HOMER2: variants seen among roughly 807,000 people sequenced by gnomAD.
The protein encoded by HOMER2 is homer scaffold protein 2, also known as homer protein homolog 2.
A neutral mutation model predicts 47.0 loss-of-function variants in HOMER2; 27 were observed. That is an observed-to-expected ratio of 0.57 (90% CI 0.42 to 0.79). The LOEUF is 0.79. Ranked by LOEUF, HOMER2 falls within the 30% of genes least tolerant of loss-of-function variation. The probability of loss-of-function intolerance (pLI) is 0.00; values close to 1 mark genes in which losing one functional copy is unlikely to be tolerated. For synonymous variants in HOMER2, 161 were observed against 163.8 expected (o/e 0.98, Z 0.13); for missense variants, 443 against 435.0 (o/e 1.02, Z -0.16).
rs1291951820 is a variant in HOMER2, at chr15:82,856,212, C to A, written c.495-1412G>T. 2.0e-5 allele frequency among the ~76,000 whole-genome samples: 3 copies of A among 152,170 alleles called. No homozygotes were observed. In the East Asian group the frequency reaches 5.8e-4, roughly 29 times the overall value. ...GCTAATTTAGGGAAATAGCTTCCTG[C>A]CCATTCTTGTAGTACCTCACTTGCT... On this transcript the variant is annotated intron_variant, in intron 5 of 8. Coordinates refer to ENST00000450735, the MANE Select transcript of HOMER2 (RefSeq NM_004839.4).
At chr15:82,903,283 C>A (rs561433597) in intron 1 of HOMER2, among the ~76,000 whole-genome samples, 5 of 152,094 alleles carry the variant, frequency 3.3e-5, no homozygotes, top group Non-Finnish European at 7.4e-5. Flanking sequence ...GTTTCCAGTT[C>A]AGCACGTGAA....
rs150035268 is a variant in HOMER2 at position 82,932,213 on chromosome 15, G to A, written c.5+20318C>T. 4.9e-3 allele frequency among the ~76,000 whole-genome samples: 753 copies of A among 152,308 alleles called. 3 individuals are homozygous for A. Among genetic ancestry groups the A allele is most frequent in the Non-Finnish European group, 7.9e-3 (537 of 68,026 alleles). The stretch of plus-strand genomic sequence containing the variant: ...TTCCCGAGTAAGATGTAGGGAAGAG[G>A]GCCGGGCGTGGTGGCTCACGCCTGT... On this transcript the variant is annotated intron_variant, in intron 1 of 8. Coordinates refer to ENST00000450735, the MANE Select transcript of HOMER2 (RefSeq NM_004839.4).
At chr15:82,955,106 C>T (rs2054575368), upstream of HOMER2, among the ~76,000 whole-genome samples, 1 of 151,418 alleles carries the variant, frequency 6.6e-6, no homozygotes, top group African/African-American at 2.4e-5. Flanking sequence ...AGCAGTACTG[C>T]TCATAACCTA....
At chr15:82,914,283 C>A (rs370905095) in intron 1 of HOMER2, among the ~76,000 whole-genome samples, 3 of 148,360 alleles carry the variant, frequency 2.0e-5, no homozygotes, top group African/African-American at 7.5e-5. Context: ...GAGGCTGAGG[C>A]AGGAGAACAG....
intron 6 of HOMER2, 132 bp downstream of exon 6, chr15:82,854,512 G>A (rs1403104471): frequency 1.1e-5 from 9 of 839,796 alleles, no homozygotes; most frequent in Non-Finnish European, 1.4e-5. Flanking sequence ...TCCCATGGGA[G>A]AGGCAGCAAG....
At chr15:82,962,298 G>A (rs1411039349) in intron 1 of HOMER2, among the ~76,000 whole-genome samples, 3 of 150,596 alleles carry the variant, frequency 2.0e-5, no homozygotes, top group Admixed American at 6.6e-5. Context: ...CTGGGAGGTG[G>A]AGCTTGCAGT....
At chr15:82,950,684 C>T (rs995413476) in intron 1 of HOMER2, among the ~76,000 whole-genome samples, 4 of 152,174 alleles carry the variant, frequency 2.6e-5, no homozygotes, top group Non-Finnish European at 5.9e-5. Context: ...CAGCCTTTAT[C>T]TACGAGAAGT....
intron 2 of HOMER2, among the ~76,000 whole-genome samples, chr15:82,880,596 G>T (rs2052491152): frequency 6.6e-6 from 1 of 152,224 alleles, no homozygotes; most frequent in Non-Finnish European, 1.5e-5. Context: ...TTGTTAGGGA[G>T]GCTAATCTTC....
downstream of HOMER2, chr15:82,846,956 T>A (rs1596296678): frequency 6.6e-6 from 1 of 152,340 alleles, no homozygotes; most frequent in South Asian, 2.1e-4. Context: ...TTAGTTGATC[T>A]TTTTTAGACA....
chr15:82,985,372 G>C (rs951415943), intron 1 of HOMER2, among the ~76,000 whole-genome samples: 3 of 152,258 alleles, frequency 2.0e-5, no homozygotes, highest in East Asian at 1.9e-4. Flanking sequence ...AGTGATGCTA[G>C]AGGCAGGACA....
intron 1 of HOMER2, among the ~76,000 whole-genome samples, chr15:82,943,063 C>CAAAG (rs2054299259): frequency 6.6e-6 from 1 of 152,104 alleles, no homozygotes; most frequent in African/African-American, 2.4e-5. Context: ...AGACGGTGCC[C>CAAAG]AAAGGGCCAA....
chr15:82,941,938 C>T (rs1373108536), intron 1 of HOMER2, among the ~76,000 whole-genome samples: 1 of 152,174 alleles, frequency 6.6e-6, no homozygotes, highest in Non-Finnish European at 1.5e-5. Flanking sequence ...CAGCACATTG[C>T]TCCAGTCACA....
chr15:82,899,560 C>G (rs2078697475), intron 1 of HOMER2, among the ~76,000 whole-genome samples: 1 of 152,210 alleles, frequency 6.6e-6, no homozygotes, highest in South Asian at 2.1e-4. Context: ...ATACAAAATC[C>G]ACACAGTAAC....
At chr15:82,909,450 T>C (rs964361487) in intron 1 of HOMER2, among the ~76,000 whole-genome samples, 5 of 151,960 alleles carry the variant, frequency 3.3e-5, no homozygotes, top group Non-Finnish European at 4.4e-5. Flanking sequence ...GCGGTACAAA[T>C]TGGAGTGGTG....
At chr15:82,966,530 G>A (rs1047684955) in intron 1 of HOMER2, among the ~76,000 whole-genome samples, 8 of 152,204 alleles carry the variant, frequency 5.3e-5, no homozygotes, top group African/African-American at 1.9e-4. Flanking sequence ...AGTTTGGACA[G>A]TGTGCAAAAG....
intron 1 of HOMER2, among the ~76,000 whole-genome samples, chr15:82,970,118 A>G (rs539567886): frequency 6.6e-6 from 1 of 152,374 alleles, no homozygotes; most frequent in Admixed American, 6.5e-5. Flanking sequence ...AGCTGAAGCC[A>G]TAGGAATAGA....
In HOMER2 at chr15:82,952,581, C is replaced by T. The variant is rs1294542068; in HGVS notation, c.-46G>A. The T allele has an allele frequency of 1.6e-5, 18 of 1,153,948 alleles. No individual in the cohort carries two copies. Among genetic ancestry groups the T allele is most frequent in the Non-Finnish European group, 1.8e-5 (17 of 938,382 alleles). The allele number at this position is 1,153,948 out of a possible 1,614,324, so 71.5% of individuals were successfully genotyped here. On this transcript the variant is annotated 5_prime_UTR_variant, in exon 1 of 9. Transcript: ENST00000450735. Reference sequence around the variant, plus strand: ...CCGCTCCGACGGGGCCTCTCGCGCTCGCTCTCCGCCCGCTCGGCAGCCGCT... The same window carrying T: ...CCGCTCCGACGGGGCCTCTCGCGCTTGCTCTCCGCCCGCTCGGCAGCCGCT...
At chr15:82,892,514 CAG>C (rs1434282540) in intron 2 of HOMER2, among the ~76,000 whole-genome samples, 169 bp downstream of exon 2, 2 of 152,094 alleles carry the variant, frequency 1.3e-5, no homozygotes, top group African/African-American at 2.4e-5. Flanking sequence ...ACAGTGGTAA[CAG>C]AGAAATATTT....
At chr15:82,955,622 C>G (rs1221572667), upstream of HOMER2, among the ~76,000 whole-genome samples, 1 of 152,020 alleles carries the variant, frequency 6.6e-6, no homozygotes, top group Non-Finnish European at 1.5e-5. Context: ...GCATATGAAA[C>G]AAATGTATTA....
Sources: gnomAD v4.1 joint callset for allele counts (sites outside exome capture counted in the v4.1 genomes callset) on GRCh38, gnomAD v4.1.1 for gene constraint, MANE v1.5 for transcripts, NCBI Gene and HGNC (gene_info 2026-07-23, HGNC 2026-07-21) for gene names.